Variants in SLC4A1AP observed in about 807,000 individuals in gnomAD.
SLC4A1AP encodes the protein kanadaptin.
A neutral mutation model predicts 89.7 loss-of-function variants in SLC4A1AP; 64 were observed. The ratio of observed to expected loss-of-function variants is 0.71; its 90% CI spans 0.58 to 0.88. SLC4A1AP has a LOEUF of 0.88. Ranked by LOEUF, SLC4A1AP falls within the 40% of genes least tolerant of loss-of-function variation. The pLI is 0.00. For synonymous variants in SLC4A1AP, 366 were observed against 353.3 expected, an observed-to-expected ratio of 1.04 and a Z score of -0.40; for missense variants, 931 against 965.0, an observed-to-expected ratio of 0.96 and a Z score of 0.47.
intron 1 of SLC4A1AP, 83 bp downstream of exon 1, chr2:27,664,660 A>T (rs751844557): frequency 1.4e-5 from 15 of 1,057,582 alleles, no homozygotes; most frequent in Non-Finnish European, 2.0e-5. Flanking sequence ...GAGGAAGAAG[A>T]ATCTCCCACT....
At chr2:27,668,681 C>G (rs770850920) in intron 3 of SLC4A1AP, 162 bp from the exon 4 acceptor site, 17 of 725,472 alleles carry the variant, frequency 2.3e-5, no homozygotes, top group Non-Finnish European at 3.7e-5. Flanking sequence ...CGCTCCTTAA[C>G]TCAAGCTGTC....
At chr2:27,687,097 C>A (rs1205452173) in intron 10 of SLC4A1AP, among the ~76,000 whole-genome samples, 1 of 152,138 alleles carries the variant, frequency 6.6e-6, no homozygotes, top group Non-Finnish European at 1.5e-5. Context: ...AGCCACCATG[C>A]CCAGTTTATA....
chr2:27,693,383 G>A (rs956902057), intron 12 of SLC4A1AP: 1 of 312,562 alleles, frequency 3.2e-6, no homozygotes, highest in Non-Finnish European at 5.8e-6. Flanking sequence ...GGCCCTGTGA[G>A]TTTTATGCTT....
chr2:27,684,701 G>A (rs1675675371), intron 9 of SLC4A1AP, among the ~76,000 whole-genome samples: 1 of 152,134 alleles, frequency 6.6e-6, no homozygotes, highest in Non-Finnish European at 1.5e-5. Flanking sequence ...AGAAGATTTT[G>A]TAATCAATTG....
chr2:27,665,906 C>G (rs1344826566), intron 2 of SLC4A1AP, among the ~76,000 whole-genome samples: 1 of 152,104 alleles, frequency 6.6e-6, no homozygotes, highest in South Asian at 2.1e-4. Flanking sequence ...CAAACAAAAG[C>G]TAGAAACCAT....
exon 9 of SLC4A1AP, chr2:27,682,305 A>G (rs756694771): frequency 1.9e-6 from 3 of 1,613,844 alleles, no homozygotes; most frequent in South Asian, 2.2e-5. Flanking sequence ...CATTGCCTCT[A>G]TTTGGTGCCA....
At chr2:27,693,483 A>G in intron 12 of SLC4A1AP, 1 of 546,778 alleles carries the variant, frequency 1.8e-6, no homozygotes, top group African/African-American at 1.9e-5. Flanking sequence ...TCTGGTAGTG[A>G]CAAATTCCCT....
intron 9 of SLC4A1AP, 116 bp downstream of exon 9, chr2:27,682,475 C>T (rs1358757906): frequency 5.0e-6 from 3 of 605,196 alleles, no homozygotes; most frequent in Admixed American, 6.3e-5. Context: ...TGAGAAAGGG[C>T]TGTGGGCTTG....
At chr2:27,677,488 C>A (rs762670001) in intron 7 of SLC4A1AP, 124 bp downstream of exon 7, 4 of 707,882 alleles carry the variant, frequency 5.7e-6, no homozygotes, top group South Asian at 3.7e-5. Flanking sequence ...AGCAACATAC[C>A]GTTTTAGAAC....
chr2:27,684,542 A>G (rs1675673752), intron 9 of SLC4A1AP, among the ~76,000 whole-genome samples: 2 of 152,008 alleles, frequency 1.3e-5, no homozygotes, highest in South Asian at 4.2e-4. Context: ...TGATTAGAAT[A>G]TTTAGCTTTA....
chr2:27,680,323 CT>C, intron 8 of SLC4A1AP, among the ~76,000 whole-genome samples: 1 of 152,146 alleles, frequency 6.6e-6, no homozygotes, highest in Non-Finnish European at 1.5e-5. Flanking sequence ...TGTGAATATA[CT>C]TTCTATTCTA....
Position 27,668,340 on chromosome 2 carries a change from C to T in SLC4A1AP, c.1145-503C>T, listed in dbSNP as rs975970848. 2.0e-5 allele frequency among the ~76,000 whole-genome samples: 3 copies of T among 152,012 alleles called. No homozygotes were observed. The East Asian group carries it at 5.8e-4, about 29-fold the overall frequency. On this transcript the variant is annotated intron_variant, in intron 3 of 13. Coordinates refer to ENST00000613058, the Ensembl canonical transcript of SLC4A1AP. Reference sequence around the variant, plus strand: ...ATTTTTTTTGTATTTTTAGTAGAGACGGGGTTTCACTGTGTTAGCCAGAAT... The same window carrying T: ...ATTTTTTTTGTATTTTTAGTAGAGATGGGGTTTCACTGTGTTAGCCAGAAT...
intron 3 of SLC4A1AP, among the ~76,000 whole-genome samples, chr2:27,667,928 A>AAT (rs1675360458): frequency 6.6e-6 from 1 of 152,004 alleles, no homozygotes; most frequent in Admixed American, 6.6e-5. Flanking sequence ...GTGCTTCTAA[A>AAT]AACCAGGCAA....
intron 5 of SLC4A1AP, among the ~76,000 whole-genome samples, chr2:27,671,490 A>G (rs1233105169): frequency 1.3e-5 from 2 of 152,118 alleles, no homozygotes; most frequent in African/African-American, 4.8e-5. Context: ...AAACAACTTA[A>G]TGATTAAGTA....
chr2:27,684,631 T>G (rs1200408234), intron 9 of SLC4A1AP, among the ~76,000 whole-genome samples: 1 of 152,206 alleles, frequency 6.6e-6, no homozygotes, highest in Non-Finnish European at 1.5e-5. Context: ...GAAATTACGC[T>G]AAGTCTAAAA....
At chr2:27,688,624 C>T (rs920513211) in intron 11 of SLC4A1AP, 76 bp from the exon 12 acceptor site, 1 of 921,376 alleles carries the variant, frequency 1.1e-6, no homozygotes, top group African/African-American at 1.7e-5. Context: ...TTGTAATGTT[C>T]TTTTAGGAAG....
At chr2:27,688,440 T>G (rs1675740158) in intron 11 of SLC4A1AP, among the ~76,000 whole-genome samples, 1 of 152,228 alleles carries the variant, frequency 6.6e-6, no homozygotes, top group Non-Finnish European at 1.5e-5. Flanking sequence ...AAAATCAGCC[T>G]CATTTTTTTT....
intron 2 of SLC4A1AP, among the ~76,000 whole-genome samples, chr2:27,666,211 G>A (rs897714060): frequency 1.3e-5 from 2 of 152,104 alleles, no homozygotes; most frequent in African/African-American, 4.8e-5. Context: ...GAAAATTTAA[G>A]ATGACGCATA....
chr2:27,677,784 A>C (rs575261027), exon 8 of SLC4A1AP: 1 of 1,613,086 alleles, frequency 6.2e-7, no homozygotes, highest in East Asian at 2.2e-5. Flanking sequence ...CGTTCATGTC[A>C]GAAATGAAAT....
Sources: allele counts gnomAD v4.1 joint callset (sites outside exome capture counted in the v4.1 genomes callset), GRCh38; gene constraint gnomAD v4.1.1; transcripts MANE v1.5; gene names NCBI Gene and HGNC (gene_info 2026-07-23, HGNC 2026-07-21).